Variants in WWC2 observed in about 807,000 individuals in gnomAD.
The protein encoded by WWC2 is WW and C2 domain containing 2, also known as protein WWC2.
WWC2 carries 101 observed loss-of-function variants against 138.5 expected under a neutral mutation model. The observed-to-expected ratio is 0.73, with a 90% CI of 0.62 to 0.86. WWC2 has a LOEUF of 0.86. Ranked by LOEUF, WWC2 falls within the 40% of genes least tolerant of loss-of-function variation. The probability of loss-of-function intolerance (pLI) is 0.00; values close to 1 mark genes in which losing one functional copy is unlikely to be tolerated. For missense variants in WWC2, 1,420 were observed against 1,419.4 expected (o/e 1.00, Z -0.01); for synonymous variants, 558 against 538.4 (o/e 1.04, Z -0.50).
At chr4:183,250,129 G>C (rs559419696) in intron 8 of WWC2, 136 bp downstream of exon 8, 1 of 716,890 alleles carries the variant, frequency 1.4e-6, no homozygotes, top group East Asian at 2.8e-5. Flanking sequence ...TAGCATGTCA[G>C]GGCTGCTTCC....
chr4:183,102,982 G>A (rs1334999233), intron 1 of WWC2, among the ~76,000 whole-genome samples: 4 of 151,828 alleles, frequency 2.6e-5, no homozygotes, highest in Non-Finnish European at 1.5e-5. Flanking sequence ...CAGAGATAGG[G>A]TGGGTTGGCT....
At chr4:183,297,842 C>T (rs1321406062) in intron 21 of WWC2, among the ~76,000 whole-genome samples, 1 of 152,238 alleles carries the variant, frequency 6.6e-6, no homozygotes, top group Non-Finnish European at 1.5e-5. Context: ...AAAGGCCATG[C>T]TAACCACATC....
chr4:183,259,582 C>T (rs945424401), intron 9 of WWC2, 57 bp from the exon 10 acceptor site: 11 of 1,265,046 alleles, frequency 8.7e-6, no homozygotes, highest in Non-Finnish European at 1.2e-5. Flanking sequence ...ATCTTTCTTT[C>T]CTTTTAGTTT....
At chr4:183,246,293 C>T (rs907025524) in intron 6 of WWC2, among the ~76,000 whole-genome samples, 1 of 152,054 alleles carries the variant, frequency 6.6e-6, no homozygotes, top group African/African-American at 2.4e-5. Flanking sequence ...ATTCTTATTT[C>T]GTATATTTGG....
Position 183,280,805 on chromosome 4 carries a change from A to G in WWC2, c.2592A>G (p.Thr864=), listed in dbSNP as rs754067627. ...LDAVSALLAR[T]SAELLAVEQE... Reference sequence around the variant, plus strand: ...CAGTGTCAGCCTTACTTGCAAGAACATCAGCTGAGTTGTTAGCTGTGGAAC... The same window carrying G: ...CAGTGTCAGCCTTACTTGCAAGAACGTCAGCTGAGTTGTTAGCTGTGGAAC... Residue 864 remains threonine, a synonymous_variant, in exon 17 of 23, where the codon ACA becomes ACG. Transcript: ENST00000403733. The G allele has an allele frequency of 5.0e-6, 8 of 1,604,964 alleles. No individual in the cohort carries two copies. Among genetic ancestry groups the G allele is most frequent in the Non-Finnish European group, 6.8e-6 (8 of 1,175,664 alleles).
Position 183,316,071 on chromosome 4 carries a change from A to T in WWC2, c.*342A>T. 1 of 202,674 alleles carries T rather than the reference A, an allele frequency of 4.9e-6. No individual in the cohort carries two copies. The allele number at this position is 202,674 out of a possible 1,614,324, so 12.6% of individuals were successfully genotyped here. ...GTACTGTTGAGCCGGCTGTTGAGAA[A>T]CAACTTGGTTCAGCCGGTGGTTTTG... On this transcript the variant is annotated 3_prime_UTR_variant, in exon 23 of 23. Transcript: ENST00000403733.
chr4:183,250,370 A>G (rs1736941078), intron 8 of WWC2, among the ~76,000 whole-genome samples: 1 of 152,198 alleles, frequency 6.6e-6, no homozygotes, highest in African/African-American at 2.4e-5. Context: ...GCTGTTGAGG[A>G]GTTCTAAGGC....
chr4:183,132,498 G>T (rs529193850), intron 1 of WWC2, among the ~76,000 whole-genome samples: 5 of 150,838 alleles, frequency 3.3e-5, no homozygotes, highest in Non-Finnish European at 7.4e-5. Flanking sequence ...CTGTCGCCCA[G>T]GCTGGAGTGC....
intron 4 of WWC2, among the ~76,000 whole-genome samples, chr4:183,222,307 ATAAT>A (rs1270974301): frequency 7.3e-6 from 1 of 136,672 alleles, no homozygotes; most frequent in Non-Finnish European, 1.5e-5. Context: ...ATTCAGATGA[ATAAT>A]TATTAGAACT....
chr4:183,213,550 A>C (rs756596734), intron 4 of WWC2, among the ~76,000 whole-genome samples: 4 of 152,202 alleles, frequency 2.6e-5, no homozygotes, highest in Non-Finnish European at 4.4e-5. Flanking sequence ...CTAGTAGGTC[A>C]AGTATTTGGG....
At chr4:183,174,127 T>C (rs914683084) in intron 1 of WWC2, among the ~76,000 whole-genome samples, 1 of 152,196 alleles carries the variant, frequency 6.6e-6, no homozygotes, top group Non-Finnish European at 1.5e-5. Flanking sequence ...TGCTGTTCAG[T>C]GTGTGCACAC....
intron 1 of WWC2, among the ~76,000 whole-genome samples, chr4:183,178,937 G>T (rs977776039): frequency 6.6e-6 from 1 of 152,146 alleles, no homozygotes; most frequent in Non-Finnish European, 1.5e-5. Flanking sequence ...CTCATTCAAG[G>T]ATATTCAGTA....
chr4:183,267,864 C>T (rs914023989), intron 14 of WWC2, among the ~76,000 whole-genome samples: 16 of 152,202 alleles, frequency 1.1e-4, no homozygotes, highest in African/African-American at 3.6e-4. Context: ...AATGACACTG[C>T]TAAACATGAC....
chr4:183,213,078 T>C (rs1403777879), intron 4 of WWC2, among the ~76,000 whole-genome samples: 5 of 152,208 alleles, frequency 3.3e-5, no homozygotes, highest in African/African-American at 1.2e-4. Flanking sequence ...CCTAGGTGCT[T>C]GTTTAATACT....
At chr4:183,164,701 G>A (rs554861842) in intron 1 of WWC2, among the ~76,000 whole-genome samples, 2 of 152,170 alleles carry the variant, frequency 1.3e-5, no homozygotes, top group South Asian at 4.1e-4. Context: ...TCACCTGTTA[G>A]GAGGATGCTC....
chr4:183,318,504 AAGC>A lies in WWC2; in HGVS notation c.*2777_*2779del, dbSNP rs1739518457. 1 of 152,374 alleles carries A rather than the reference AAGC, an allele frequency of 6.6e-6. No individual in the cohort carries two copies. Among genetic ancestry groups the A allele is most frequent in the Admixed American group, 6.5e-5 (1 of 15,274 alleles). 9.4% of individuals were successfully genotyped at this position (152,374 alleles called of 1,614,324 possible). ...ATTCAGTGGTTTTTTTTAAAAAAAA[AAGC>A]AAAAACAAAGCTACATATTGCCTAA... is the stretch of plus-strand genomic sequence containing the variant. On this transcript the variant is annotated 3_prime_UTR_variant, in exon 23 of 23. Coordinates refer to ENST00000403733, the MANE Select transcript of WWC2 (RefSeq NM_024949.6).
intron 6 of WWC2, among the ~76,000 whole-genome samples, chr4:183,247,957 G>A (rs1315295385): frequency 2.0e-5 from 3 of 151,228 alleles, no homozygotes; most frequent in African/African-American, 2.4e-5. Flanking sequence ...CATTTTATTA[G>A]GATTACCCTA....
intron 21 of WWC2, among the ~76,000 whole-genome samples, chr4:183,290,196 A>G (rs1738399856): frequency 6.6e-6 from 1 of 152,148 alleles, no homozygotes; most frequent in Non-Finnish European, 1.5e-5. Flanking sequence ...GGTATACTAA[A>G]AAAAGATGAA....
At chr4:183,175,160 TAA>T (rs1174665338) in intron 1 of WWC2, among the ~76,000 whole-genome samples, 1 of 152,180 alleles carries the variant, frequency 6.6e-6, no homozygotes, top group Non-Finnish European at 1.5e-5. Flanking sequence ...TATGGAAAAT[TAA>T]AAAAATAGTT....
Sources: gnomAD v4.1 joint callset for allele counts (sites outside exome capture counted in the v4.1 genomes callset) on GRCh38, gnomAD v4.1.1 for gene constraint, MANE v1.5 for transcripts, NCBI Gene and HGNC (gene_info 2026-07-23, HGNC 2026-07-21) for gene names.